TMEM131L: variants seen among roughly 807,000 people sequenced by gnomAD.
The protein encoded by TMEM131L is transmembrane protein 131-like.
A neutral mutation model predicts 192.2 loss-of-function variants in TMEM131L; 54 were observed. The observed-to-expected ratio is 0.28, with a 90% CI of 0.23 to 0.35. The LOEUF is 0.35. Among genes scored for constraint, TMEM131L ranks in the 10% least tolerant of loss-of-function variants. TMEM131L has a pLI of 1.00. For synonymous variants in TMEM131L, 701 were observed against 704.9 expected (o/e 0.99, Z 0.09); for missense variants, 1,888 against 1,972.9 (o/e 0.96, Z 0.82).
At chr4:153,476,387 T>A (rs923196161) in intron 3 of TMEM131L, among the ~76,000 whole-genome samples, 1 of 152,186 alleles carries the variant, frequency 6.6e-6, no homozygotes, top group African/African-American at 2.4e-5. Context: ...TGAACATAAC[T>A]ATGTATTCAG....
chr4:153,467,402 A>T, intron 2 of TMEM131L, 121 bp downstream of exon 2: 1 of 840,312 alleles, frequency 1.2e-6, no homozygotes, highest in Non-Finnish European at 1.9e-6. Flanking sequence ...TTGCAAGGCA[A>T]ATAAACGTTA....
At chr4:153,488,620 A>AG (rs2149858875) in intron 3 of TMEM131L, among the ~76,000 whole-genome samples, 1 of 152,284 alleles carries the variant, frequency 6.6e-6, no homozygotes, top group East Asian at 1.9e-4. Context: ...TTGCCAGCTG[A>AG]GGGGGCTGGA....
chr4:153,601,799 T>C (rs1313037788), intron 21 of TMEM131L, among the ~76,000 whole-genome samples: 1 of 152,216 alleles, frequency 6.6e-6, no homozygotes, highest in South Asian at 2.1e-4. Flanking sequence ...TATGGTGGCT[T>C]ATAGTAAGTA....
intron 26 of TMEM131L, among the ~76,000 whole-genome samples, chr4:153,613,409 AAATTTT>A (rs1411138808): frequency 6.6e-6 from 1 of 152,220 alleles, no homozygotes; most frequent in Non-Finnish European, 1.5e-5. Context: ...AGGTGAAAAT[AAATTTT>A]AATTTTAATC....
At position 153,550,068 on chromosome 4, in the gene TMEM131L, T is replaced by C; in HGVS notation, c.240-5T>C. The C allele has an allele frequency of 6.9e-7, 1 of 1,451,056 alleles. No individual in the cohort carries two copies. Among genetic ancestry groups the C allele is most frequent in the Admixed American group, 2.6e-5 (1 of 38,690 alleles). The allele number at this position is 1,451,056 out of a possible 1,614,324, so 89.9% of individuals were successfully genotyped here. A position where few individuals can be genotyped will look rare whatever the true frequency, so the allele number is the denominator to read the frequency against. ...ACAAAATCAACCTCTCTTTTCTTTTTTTAGCTTCTCGGACAAACTATTTAG... is the reference window on the plus strand; with the variant it reads ...ACAAAATCAACCTCTCTTTTCTTTTCTTAGCTTCTCGGACAAACTATTTAG... On this transcript the variant is annotated splice_region_variant and splice_polypyrimidine_tract_variant and intron_variant, in intron 3 of 34. Transcript: ENST00000409959.
chr4:153,574,804 T>TC (rs1361010185), intron 7 of TMEM131L, among the ~76,000 whole-genome samples: 1 of 152,170 alleles, frequency 6.6e-6, no homozygotes, highest in Non-Finnish European at 1.5e-5. Context: ...GACAGGCTGG[T>TC]CTCAAATTCT....
chr4:153,612,109 C>A, intron 25 of TMEM131L, 143 bp from the exon 26 acceptor site: 3 of 516,424 alleles, frequency 5.8e-6, no homozygotes, highest in Non-Finnish European at 6.5e-6. Flanking sequence ...AAATAAATTT[C>A]TAGAGCATCA....
At chr4:153,493,675 G>A (rs903594590) in intron 3 of TMEM131L, among the ~76,000 whole-genome samples, 6 of 151,942 alleles carry the variant, frequency 3.9e-5, no homozygotes, top group South Asian at 2.1e-4. Flanking sequence ...GAAAAAAAAC[G>A]CTTGGAGCCA....
At chr4:153,466,614 G>C in intron 1 of TMEM131L, 93 bp downstream of exon 1, 1 of 1,165,770 alleles carries the variant, frequency 8.6e-7, no homozygotes, top group Non-Finnish European at 1.1e-6. Flanking sequence ...AGGGCGAGGG[G>C]AGGAAAGGGA....
intron 17 of TMEM131L, 136 bp from the exon 18 acceptor site, chr4:153,592,339 A>G (rs527476641): frequency 3.1e-6 from 2 of 635,986 alleles, no homozygotes; most frequent in African/African-American, 1.8e-5. Context: ...CGTGCTGGCC[A>G]TTTATTTCCT....
At chr4:153,526,755 C>T (rs187923274) in intron 3 of TMEM131L, among the ~76,000 whole-genome samples, 84 of 151,158 alleles carry the variant, frequency 5.6e-4, no homozygotes, top group Non-Finnish European at 9.3e-4. Context: ...AAAAAGGAAG[C>T]TTGCTGTCTT....
rs1305075531 is a variant in TMEM131L, at chr4:153,586,293, A to G, written c.1396A>G (p.Ile466Val). Residue 466 changes from isoleucine to valine, a missense_variant, in exon 14 of 35, where the codon ATA becomes GTA. Coordinates refer to ENST00000409959, the MANE Select transcript of TMEM131L (RefSeq NM_001131007.2). ...SLKLAVKDIAINLFTNVFLTT... is the reference protein window; with the variant it reads ...SLKLAVKDIAVNLFTNVFLTT... ...GAAACTTGCTGTTAAAGACATTGCC[A>G]TAAATCTATTCACCAATGTATTTTT... is the stretch of plus-strand genomic sequence containing the variant. 6 of 1,605,152 alleles carry G rather than the reference A, an allele frequency of 3.7e-6. No homozygotes were observed. The highest frequency in any genetic ancestry group is 5.1e-6 in the Non-Finnish European group (6 of 1,176,618).
At chr4:153,615,635 A>G (rs1324552417) in intron 26 of TMEM131L, among the ~76,000 whole-genome samples, 1 of 152,176 alleles carries the variant, frequency 6.6e-6, no homozygotes, top group African/African-American at 2.4e-5. Context: ...TGAAGTTAGG[A>G]GTTGAACTTA....
intron 3 of TMEM131L, among the ~76,000 whole-genome samples, chr4:153,476,839 C>A (rs1731575251): frequency 6.6e-6 from 1 of 152,168 alleles, no homozygotes; most frequent in South Asian, 2.1e-4. Flanking sequence ...TGGTAGATAT[C>A]ATTTCAGTGG....
chr4:153,564,319 C>T (rs977522243), intron 7 of TMEM131L, among the ~76,000 whole-genome samples: 3 of 138,946 alleles, frequency 2.2e-5, no homozygotes, highest in Non-Finnish European at 4.5e-5. Flanking sequence ...AAAAAAGGCC[C>T]AAGGGAGCTT....
At chr4:153,586,961 C>T (rs1730740623) in intron 14 of TMEM131L, among the ~76,000 whole-genome samples, 2 of 152,028 alleles carry the variant, frequency 1.3e-5, no homozygotes, top group Admixed American at 1.3e-4. Flanking sequence ...CTTCTTTTTG[C>T]TCCAAGCTAT....
At position 153,477,498 on chromosome 4, in the gene TMEM131L, G is replaced by A. The variant is rs1038243830; in HGVS notation, c.239+3610G>A. Among the ~76,000 whole-genome samples, 6 of 152,154 alleles carry A rather than the reference G, an allele frequency of 3.9e-5. No individual in the cohort carries two copies. The East Asian group carries it at 9.6e-4, about 24-fold the overall frequency. ...TCAAAAATCAAACTTTAAGATATTC[G>A]TAGATTTTGTCCTTATTGGTCTTTT... is the stretch of plus-strand genomic sequence containing the variant. On this transcript the variant is annotated intron_variant, in intron 3 of 34. Coordinates refer to ENST00000409959, the MANE Select transcript of TMEM131L (RefSeq NM_001131007.2).
intron 3 of TMEM131L, among the ~76,000 whole-genome samples, chr4:153,508,255 C>G (rs976415935): frequency 3.9e-5 from 6 of 152,278 alleles, no homozygotes; most frequent in Admixed American, 2.6e-4. Flanking sequence ...ATACCCAACT[C>G]TATGTTGTGT....
At chr4:153,581,181 G>A (rs976803961) in intron 8 of TMEM131L, among the ~76,000 whole-genome samples, 1 of 152,204 alleles carries the variant, frequency 6.6e-6, no homozygotes, top group Non-Finnish European at 1.5e-5. Context: ...GTGAACCTGG[G>A]AGGCGGAGCT....
Sources: allele counts gnomAD v4.1 joint callset (sites outside exome capture counted in the v4.1 genomes callset), GRCh38; gene constraint gnomAD v4.1.1; transcripts MANE v1.5; gene names NCBI Gene and HGNC (gene_info 2026-07-23, HGNC 2026-07-21).